Variants in ZNF805 observed in about 807,000 individuals in gnomAD.
ZNF805 encodes the protein zinc finger protein 805.
In ZNF805, 7 loss-of-function variants were observed where a neutral mutation model predicts 13.6. The observed-to-expected ratio is 0.51, with a 90% confidence interval of 0.29 to 0.97. The LOEUF (loss-of-function observed/expected upper bound fraction) is 0.97. Ranked by LOEUF, ZNF805 falls within the 50% of genes least tolerant of loss-of-function variation. The pLI is 0.08. For synonymous variants in ZNF805, 293 were observed against 279.8 expected (o/e 1.05, Z -0.47); for missense variants, 604 against 771.0 (o/e 0.78, Z 2.57).
chr19:57,252,624 A>C (rs764537844), intron 3 of ZNF805, among the ~76,000 whole-genome samples: 1 of 152,172 alleles, frequency 6.6e-6, no homozygotes, highest in Non-Finnish European at 1.5e-5. Flanking sequence ...GTTAATCGAG[A>C]CATTGCCCAC....
chr19:57,252,407 C>T (rs1007967068), intron 3 of ZNF805, among the ~76,000 whole-genome samples: 5 of 152,162 alleles, frequency 3.3e-5, no homozygotes, highest in Admixed American at 6.5e-5. Flanking sequence ...CTATTATACT[C>T]ACAGTTTTGT....
At chr19:57,245,668 A>C (rs372140125) in intron 2 of ZNF805, among the ~76,000 whole-genome samples, 3,344 of 150,380 alleles carry the variant, frequency 0.022, 60 homozygotes, top group Middle Eastern at 0.076. Context: ...AGTCCCAGCT[A>C]CTCGGGAGGC....
At chr19:57,248,921 G>A (rs73629343) in intron 3 of ZNF805, among the ~76,000 whole-genome samples, 31,216 of 152,010 alleles carry the variant, frequency 0.21, 3,714 homozygotes, top group African/African-American at 0.32. Context: ...CTGGTCCTGG[G>A]GCTGCAGCCT....
intron 3 of ZNF805, among the ~76,000 whole-genome samples, 163 bp downstream of exon 3, chr19:57,248,863 T>A (rs980124063): frequency 6.6e-6 from 1 of 152,140 alleles, no homozygotes; most frequent in Non-Finnish European, 1.5e-5. Context: ...CCCAGCCCCA[T>A]CGCACTTGTC....
rs1049889682 is a variant in ZNF805, at chr19:57,255,235, T to C, written c.*532T>C. 6.0e-6 allele frequency: 1 copy of C among 167,200 alleles called. No individual in the cohort carries two copies. The highest frequency in any genetic ancestry group is 2.4e-5 in the African/African-American group (1 of 41,472). The allele number at this position is 167,200 out of a possible 1,614,324, so 10.4% of individuals were successfully genotyped here. A position where few individuals can be genotyped will look rare whatever the true frequency, so the allele number is the denominator to read the frequency against. On this transcript the variant is annotated 3_prime_UTR_variant, in exon 4 of 4. Transcript: ENST00000414468. ...CACTAACACTGAGAATTTTTCTTGATTCCCATCTGTTGGTTTACTTGATTG... is the reference window on the plus strand; with the variant it reads ...CACTAACACTGAGAATTTTTCTTGACTCCCATCTGTTGGTTTACTTGATTG...
rs770524272 is a variant in ZNF805, at chr19:57,254,405, ACT to A, written c.1589_1590del (p.Ser530TyrfsTer10). Reference sequence around the variant, plus strand: ...TGCTGGAGCACAAACCTCATTCGACACTCTATCATCCACACTGGAGAGAAGCC... The same window carrying A: ...TGCTGGAGCACAAACCTCATTCGACACTATCATCCACACTGGAGAGAAGCC... On this transcript the variant is annotated frameshift_variant, in exon 4 of 4. Coordinates refer to ENST00000414468, the MANE Select transcript of ZNF805 (RefSeq NM_001023563.4). LOFTEE classifies it low-confidence loss of function (END_TRUNC). 3.7e-6 allele frequency: 6 copies of A among 1,614,000 alleles called. No individual in the cohort carries two copies. In the Admixed American group the frequency reaches 6.7e-5, roughly 18 times the overall value.
rs1382838182 is a variant in ZNF805 at position 57,259,354 on chromosome 19, C to G, written c.*4651C>G. On this transcript the variant is annotated 3_prime_UTR_variant, in exon 4 of 4. Transcript: ENST00000414468. Reference sequence around the variant, plus strand: ...CCCCCTTTTTCTGGTCTATTTTTCCCTTTTTTTCATATTGGTTAATTTCTG... The same window carrying G: ...CCCCCTTTTTCTGGTCTATTTTTCCGTTTTTTTCATATTGGTTAATTTCTG... 1.3e-5 allele frequency among the ~76,000 whole-genome samples: 2 copies of G among 151,612 alleles called. No homozygotes were observed. The highest frequency in any genetic ancestry group is 4.8e-5 in the African/African-American group (2 of 41,240).
At position 57,254,434 on chromosome 19, in the gene ZNF805, T is replaced by C. The variant is rs781759065; in HGVS notation, c.1615T>C (p.Tyr539His). 6.2e-7 allele frequency: 1 copy of C among 1,614,188 alleles called. No individual in the cohort carries two copies. Among genetic ancestry groups the C allele is most frequent in the Non-Finnish European group, 8.5e-7 (1 of 1,180,028 alleles). The change falls in exon 4 of 4, where the codon TAT becomes CAT. Residue 539 changes from tyrosine (Y) to histidine (H), a missense_variant. This residue lies in a region of ZNF805 where 228 missense variants were observed against 352.8 expected (regional missense o/e 0.65). Transcript: ENST00000414468. Reference protein sequence around the residue: ...HSIIHTGEKPYECSECGKAFS... With the variant: ...HSIIHTGEKPHECSECGKAFS... ...TATCATCCACACTGGAGAGAAGCCG[T>C]ATGAGTGCAGTGAATGTGGAAAGGC...
Position 57,253,488 on chromosome 19 carries a change from G to T in ZNF805, c.669G>T (p.Arg223Ser). 1 of 1,606,238 alleles carries T rather than the reference G, an allele frequency of 6.2e-7. No homozygotes were observed. The highest frequency in any genetic ancestry group is 8.5e-7 in the Non-Finnish European group (1 of 1,175,838). The change falls in exon 4 of 4, where the codon AGG becomes AGT. Residue 223 changes from arginine to serine, a missense_variant. By Grantham distance (110) the Arg-to-Ser change is moderately radical. This residue lies in a region of ZNF805 where 327 missense variants were observed against 378.2 expected (regional missense o/e 0.86). Coordinates refer to ENST00000414468, the MANE Select transcript of ZNF805 (RefSeq NM_001023563.4). The surrounding 1 kb of genome is among the most constrained non-coding windows in gnomAD (Gnocchi z 4.4). ...NKKRLLARHE[R>S]IHSGVKPYEC... is the part of the protein sequence containing the mutation. ...AACGCCTGCTTGCTCGGCATGAGAG[G>T]ATTCACTCTGGAGTGAAGCCCTATG...
Position 57,259,681 on chromosome 19 carries a change from T to A in ZNF805, c.*4978T>A, listed in dbSNP as rs1315640131. Among the ~76,000 whole-genome samples, 1 of 152,170 alleles carries A rather than the reference T, an allele frequency of 6.6e-6. No homozygotes were observed. Among genetic ancestry groups the A allele is most frequent in the East Asian group, 1.9e-4 (1 of 5,184 alleles). On this transcript the variant is annotated 3_prime_UTR_variant, in exon 4 of 4. Coordinates refer to ENST00000414468, the MANE Select transcript of ZNF805 (RefSeq NM_001023563.4). ...GCCACCATGCCCGGCTAATTTTTTG[T>A]ATTTTTAGTAGAGACGGGGTTTCAC...
At position 57,262,221 on chromosome 19, in the gene ZNF805, C is replaced by T. The variant is rs1600004627; in HGVS notation, c.*7518C>T. The T allele has an allele frequency of 6.0e-6, 1 of 167,046 alleles. No individual in the cohort carries two copies. Among genetic ancestry groups the T allele is most frequent in the Middle Eastern group, 3.4e-3 (1 of 296 alleles). The allele number at this position is 167,046 out of a possible 1,614,324, so 10.3% of individuals were successfully genotyped here. A position where few individuals can be genotyped will look rare whatever the true frequency, so the allele number is the denominator to read the frequency against. The stretch of plus-strand genomic sequence containing the variant: ...TGCTCTGTTCTCTTTTTCACAGTAA[C>T]TTAAATGGAAAAATGCTGAGTTAGC... On this transcript the variant is annotated 3_prime_UTR_variant, in exon 4 of 4. Coordinates refer to ENST00000414468, the MANE Select transcript of ZNF805 (RefSeq NM_001023563.4).
Position 57,258,117 on chromosome 19 carries a change from C to T in ZNF805, c.*3414C>T, listed in dbSNP as rs1323767777. 2.6e-5 allele frequency among the ~76,000 whole-genome samples: 4 copies of T among 151,044 alleles called. No homozygotes were observed. Among genetic ancestry groups the T allele is most frequent in the Non-Finnish European group, 5.9e-5 (4 of 67,904 alleles). ...TCCCGGGTTCAAGCCATTCTCTTGC[C>T]TCAGCCTCCCAAGTAGCTGGGATTA... On this transcript the variant is annotated 3_prime_UTR_variant, in exon 4 of 4. Transcript: ENST00000414468.
chr19:57,246,644 C>T (rs1210469055), intron 2 of ZNF805, among the ~76,000 whole-genome samples: 5 of 151,910 alleles, frequency 3.3e-5, no homozygotes, highest in African/African-American at 9.7e-5. Flanking sequence ...GGTGTGGTAG[C>T]GCATGCCTGT....
At chr19:57,248,534 C>T (rs2087632666) in intron 2 of ZNF805, 71 bp from the exon 3 acceptor site, 1 of 1,366,726 alleles carries the variant, frequency 7.3e-7, no homozygotes, top group South Asian at 1.2e-5. Flanking sequence ...TCCTGAAGTC[C>T]CAGACTAGAT....
Position 57,259,627 on chromosome 19 carries a change from C to T in ZNF805, c.*4924C>T, listed in dbSNP as rs1469081651. Among the ~76,000 whole-genome samples the T allele has an allele frequency of 6.6e-6, 1 of 152,184 alleles. No homozygotes were observed. Among genetic ancestry groups the T allele is most frequent in the Non-Finnish European group, 1.5e-5 (1 of 68,044 alleles). ...GTTCATGCCATTCTCCTGCCTCAGC[C>T]TCCCGAGTAGCTGGGACTACAGGTG... On this transcript the variant is annotated 3_prime_UTR_variant, in exon 4 of 4. Coordinates refer to ENST00000414468, the MANE Select transcript of ZNF805 (RefSeq NM_001023563.4).
chr19:57,246,330 C>T (rs987942744), intron 2 of ZNF805, among the ~76,000 whole-genome samples: 7 of 152,310 alleles, frequency 4.6e-5, no homozygotes, highest in East Asian at 1.9e-4. Flanking sequence ...GGTGCCACCA[C>T]GCCCAGCTAA....
Position 57,253,976 on chromosome 19 carries a change from T to C in ZNF805, c.1157T>C (p.Leu386Pro). The C allele has an allele frequency of 6.2e-7, 1 of 1,614,046 alleles. No homozygotes were observed. The highest frequency in any genetic ancestry group is 8.5e-7 in the Non-Finnish European group (1 of 1,180,002). ...CGKAFCESAALIHHYVIHTGE... is the reference protein window; with the variant it reads ...CGKAFCESAAPIHHYVIHTGE... The stretch of plus-strand genomic sequence containing the variant: ...AAGGCCTTCTGTGAGAGCGCAGCGC[T>C]GATTCACCACTATGTCATCCACACT... The change falls in exon 4 of 4, where the codon CTG becomes CCG. Residue 386 changes from leucine to proline, a missense_variant. Physicochemically the swap from Leu to Pro is moderately conservative, Grantham distance 98. Transcript: ENST00000414468. The surrounding 1 kb of genome is among the most constrained non-coding windows in gnomAD (Gnocchi z 4.4).
In ZNF805 at chr19:57,253,308, A is replaced by C. The variant is rs559762194; in HGVS notation, c.489A>C (p.Thr163=). ...KMSPKHDGLG[T]ADSVCSRIIQ... ...GCCCCAAACATGATGGTTTAGGGAC[A>C]GCTGATAGTGTGTGTTCAAGGATTA... Residue 163 remains threonine (T), a synonymous_variant, in exon 4 of 4, where the codon ACA becomes ACC. Coordinates refer to ENST00000414468, the MANE Select transcript of ZNF805 (RefSeq NM_001023563.4). The surrounding 1 kb of genome is among the most constrained non-coding windows in gnomAD (Gnocchi z 4.4). 6 of 1,574,612 alleles carry C rather than the reference A, an allele frequency of 3.8e-6. No individual in the cohort carries two copies. In the Admixed American group the frequency reaches 9.2e-5, roughly 24 times the overall value.
chr19:57,260,794 A>G lies in ZNF805; in HGVS notation c.*6091A>G, dbSNP rs1194039081. 6.6e-6 allele frequency among the ~76,000 whole-genome samples: 1 copy of G among 152,096 alleles called. No individual in the cohort carries two copies. Among genetic ancestry groups the G allele is most frequent in the African/African-American group, 2.4e-5 (1 of 41,402 alleles). ...GGTCATCCTTCCACACCTTTTCTGT[A>G]TTTGCACTCACTGAGCCTATATGCA... On this transcript the variant is annotated 3_prime_UTR_variant, in exon 4 of 4. Coordinates refer to ENST00000414468, the MANE Select transcript of ZNF805 (RefSeq NM_001023563.4).
Sources: allele counts gnomAD v4.1 joint callset (sites outside exome capture counted in the v4.1 genomes callset), GRCh38; gene constraint gnomAD v4.1.1; regional missense constraint gnomAD v4.1.1; non-coding constraint Gnocchi (gnomAD v3.1); transcripts MANE v1.5; gene names NCBI Gene and HGNC (gene_info 2026-07-23, HGNC 2026-07-21).